CLPB: variants seen among roughly 807,000 people sequenced by gnomAD.
CLPB encodes the protein mitochondrial disaggregase.
In CLPB, 40 loss-of-function variants were observed where a neutral mutation model predicts 78.4. The ratio of observed to expected loss-of-function variants is 0.51; its 90% CI spans 0.40 to 0.66. The LOEUF is 0.66. Among genes scored for constraint, CLPB ranks in the 30% least tolerant of loss-of-function variants. The pLI, the probability that CLPB is intolerant of heterozygous loss-of-function variation, is 0.00. For missense variants in CLPB, 780 were observed against 886.9 expected (o/e 0.88, Z 1.53); for synonymous variants, 333 against 348.0 (o/e 0.96, Z 0.48).
At chr11:72,352,231 C>A (rs917885363) in intron 5 of CLPB, among the ~76,000 whole-genome samples, 1 of 152,182 alleles carries the variant, frequency 6.6e-6, no homozygotes, top group Admixed American at 6.5e-5. Context: ...CATTGTGTGA[C>A]CATCCCACAA....
intron 5 of CLPB, chr11:72,333,009 A>T (rs1339202687): frequency 6.6e-6 from 1 of 152,180 alleles, no homozygotes; most frequent in African/African-American, 2.4e-5. Flanking sequence ...TTTATTGAGC[A>T]CTTACTCTGT....
intron 4 of CLPB, among the ~76,000 whole-genome samples, chr11:72,372,378 G>A (rs1280531857): frequency 6.6e-6 from 1 of 152,198 alleles, no homozygotes; most frequent in South Asian, 2.1e-4. Flanking sequence ...TACAAATAAG[G>A]AGACAGTGCC....
intron 5 of CLPB, among the ~76,000 whole-genome samples, chr11:72,344,378 T>C (rs1360789023): frequency 1.3e-5 from 2 of 151,846 alleles, no homozygotes; most frequent in African/African-American, 4.8e-5. Flanking sequence ...AGCTAATTTT[T>C]GTATTTTTTT....
Position 72,434,485 on chromosome 11 carries a change from G to A in CLPB, c.-11C>T. On this transcript the variant is annotated 5_prime_UTR_variant, in exon 1 of 16. Coordinates refer to ENST00000538039, the MANE Select transcript of CLPB (RefSeq NM_001258392.3). ...CAGGGACCCCAGCATCTTGACAGCTGCTTCGATAACCCCGTGGTGCCGGCC... is the reference window on the plus strand; with the variant it reads ...CAGGGACCCCAGCATCTTGACAGCTACTTCGATAACCCCGTGGTGCCGGCC... 6.6e-7 allele frequency: 1 copy of A among 1,526,354 alleles called. No individual in the cohort carries two copies. Among genetic ancestry groups the A allele is most frequent in the Non-Finnish European group, 8.8e-7 (1 of 1,135,660 alleles). The allele number at this position is 1,526,354 out of a possible 1,614,324, so 94.6% of individuals were successfully genotyped here.
intron 4 of CLPB, among the ~76,000 whole-genome samples, chr11:72,363,177 A>C (rs1268626583): frequency 6.7e-6 from 1 of 148,234 alleles, no homozygotes; most frequent in Non-Finnish European, 1.5e-5. Flanking sequence ...AGAAAGTAAA[A>C]GAAGGAAGGA....
In CLPB at chr11:72,434,307, A is replaced by C; in HGVS notation, c.168T>G (p.Pro56=). ...QWLRVATGGR[P]GTSPALFSGR... ...CGGAGAACAAGGCCGGCGATGTTCC[A>C]GGGCGCCCCCCGGTGGCTACCCTCA... Residue 56 remains proline, a synonymous_variant, in exon 1 of 16, where the codon CCT becomes CCG. Transcript: ENST00000538039. 2 of 1,612,250 alleles carry C rather than the reference A, an allele frequency of 1.2e-6. No homozygotes were observed. Among genetic ancestry groups the C allele is most frequent in the Non-Finnish European group, 1.7e-6 (2 of 1,179,632 alleles).
intron 7 of CLPB, among the ~76,000 whole-genome samples, chr11:72,314,774 A>G (rs1169686675): frequency 1.3e-5 from 2 of 151,846 alleles, no homozygotes; most frequent in Non-Finnish European, 2.9e-5. Context: ...GAAGGATTGC[A>G]AGCAGAGAGG....
intron 4 of CLPB, among the ~76,000 whole-genome samples, chr11:72,359,848 CAGGCTCACTCT>C (rs1565460597): frequency 6.6e-6 from 1 of 152,164 alleles, no homozygotes; most frequent in Non-Finnish European, 1.5e-5. Context: ...CAAAATCCCC[CAGGCTCACTCT>C]AGTGCTAATA....
At chr11:72,425,165 A>C (rs1170451864) in intron 2 of CLPB, among the ~76,000 whole-genome samples, 9 of 152,186 alleles carry the variant, frequency 5.9e-5, no homozygotes, top group Non-Finnish European at 1.3e-4. Flanking sequence ...TGGCAACTTG[A>C]ATCTAGACTC....
chr11:72,413,585 C>T (rs1466113630), intron 2 of CLPB, among the ~76,000 whole-genome samples: 1 of 152,148 alleles, frequency 6.6e-6, no homozygotes, highest in Non-Finnish European at 1.5e-5. Context: ...ATCTGATATA[C>T]AGCCCACATT....
At chr11:72,354,927 C>G (rs1950682440) in intron 5 of CLPB, among the ~76,000 whole-genome samples, 1 of 152,182 alleles carries the variant, frequency 6.6e-6, no homozygotes, top group South Asian at 2.1e-4. Flanking sequence ...GTCCAGGCGC[C>G]TGCCAGAGCA....
intron 9 of CLPB, among the ~76,000 whole-genome samples, chr11:72,306,464 G>A (rs1405360649): frequency 6.6e-6 from 1 of 152,190 alleles, no homozygotes; most frequent in Admixed American, 6.5e-5. Context: ...GGCTTTCAGT[G>A]AAATGTTTTT....
intron 4 of CLPB, among the ~76,000 whole-genome samples, chr11:72,372,334 A>T (rs968536932): frequency 4.6e-5 from 7 of 152,202 alleles, no homozygotes; most frequent in Non-Finnish European, 8.8e-5. Flanking sequence ...GTTAGGCGTA[A>T]ATGTACTATG....
chr11:72,414,125 T>C (rs1855954209), intron 2 of CLPB, among the ~76,000 whole-genome samples: 1 of 152,058 alleles, frequency 6.6e-6, no homozygotes, highest in Non-Finnish European at 1.5e-5. Flanking sequence ...ATAGCAAACA[T>C]CTTTGCTTCC....
At chr11:72,341,243 G>A (rs928530321) in intron 5 of CLPB, among the ~76,000 whole-genome samples, 1 of 152,172 alleles carries the variant, frequency 6.6e-6, no homozygotes, top group Non-Finnish European at 1.5e-5. Flanking sequence ...TGGATAGGGT[G>A]TTGAACAGGG....
chr11:72,399,821 G>C (rs1037466260), intron 3 of CLPB, among the ~76,000 whole-genome samples: 1 of 152,138 alleles, frequency 6.6e-6, no homozygotes, highest in Non-Finnish European at 1.5e-5. Context: ...AGCATTTCAG[G>C]CCTGACCAAT....
chr11:72,399,222 T>C (rs1451030999), intron 3 of CLPB, among the ~76,000 whole-genome samples: 1 of 151,930 alleles, frequency 6.6e-6, no homozygotes, highest in Non-Finnish European at 1.5e-5. Context: ...AATTTGTACA[T>C]AAACATATAT....
At chr11:72,394,619 T>C (rs1565482709) in intron 3 of CLPB, among the ~76,000 whole-genome samples, 1 of 152,204 alleles carries the variant, frequency 6.6e-6, no homozygotes, top group Non-Finnish European at 1.5e-5. Flanking sequence ...GGCATGTGTC[T>C]GCCAAACTAC....
At chr11:72,432,598 T>C (rs1856578402) in intron 1 of CLPB, among the ~76,000 whole-genome samples, 1 of 152,192 alleles carries the variant, frequency 6.6e-6, no homozygotes, top group Non-Finnish European at 1.5e-5. Flanking sequence ...ACACCTAGCC[T>C]AAAACTAGAC....
Sources: gnomAD v4.1 joint callset for allele counts (sites outside exome capture counted in the v4.1 genomes callset) on GRCh38, gnomAD v4.1.1 for gene constraint, MANE v1.5 for transcripts, NCBI Gene and HGNC (gene_info 2026-07-23, HGNC 2026-07-21) for gene names.